OR52N4: variants seen among roughly 807,000 people sequenced by gnomAD.
OR52N4 encodes olfactory receptor family 52 subfamily N member 4.
OR52N4 carries 15 observed loss-of-function variants against 15.0 expected under a neutral mutation model. That is an observed-to-expected ratio of 1.00 (90% CI 0.67 to 1.54). The LOEUF is 1.54. Ranked by LOEUF, OR52N4 falls within the 40% of genes most tolerant of loss-of-function variation. OR52N4 has a pLI of 0.00. For synonymous variants in OR52N4, 143 were observed against 143.7 expected (o/e 1.00, Z 0.03); for missense variants, 421 against 394.0 (o/e 1.07, Z -0.58).
chr11:5,753,612 T>A (rs4636705), upstream of OR52N4, among the ~76,000 whole-genome samples: 26,210 of 152,080 alleles, frequency 0.17, 2,399 homozygotes, highest in East Asian at 0.25. Flanking sequence ...TTGACTTTTT[T>A]AATTTTAAAT....
the OR52N4 span, among the ~76,000 whole-genome samples, chr11:5,734,432 G>T: frequency 6.6e-6 from 1 of 152,056 alleles, no homozygotes; most frequent in East Asian, 1.9e-4. Flanking sequence ...GGCTCACATG[G>T]TGCACTAGAA....
chr11:5,737,050 C>G, the OR52N4 span: 1 of 1,614,104 alleles, frequency 6.2e-7, no homozygotes, highest in Non-Finnish European at 8.5e-7. Flanking sequence ...GTGATTATTG[C>G]TCCAAGAATG....
the OR52N4 span, among the ~76,000 whole-genome samples, chr11:5,742,687 C>G: frequency 9.9e-5 from 15 of 152,146 alleles, no homozygotes; most frequent in East Asian, 2.9e-3. Context: ...TAAGCAAACA[C>G]TAAGGAAATG....
the OR52N4 span, chr11:5,736,805 G>T: frequency 2.6e-5 from 42 of 1,613,892 alleles, no homozygotes; most frequent in Non-Finnish European, 3.5e-5. Flanking sequence ...CTTCTGGTTT[G>T]ATGCCAAGGT....
At chr11:5,743,609 TCAAA>T in the OR52N4 span, among the ~76,000 whole-genome samples, 1 of 152,098 alleles carries the variant, frequency 6.6e-6, no homozygotes, top group Non-Finnish European at 1.5e-5. Flanking sequence ...TACTTGGAAA[TCAAA>T]CAACCTGCTT....
the OR52N4 span, among the ~76,000 whole-genome samples, chr11:5,742,334 G>A: frequency 6.6e-6 from 1 of 152,090 alleles, no homozygotes; most frequent in Non-Finnish European, 1.5e-5. Flanking sequence ...CTCTAGTCTT[G>A]CTAGAGGTGT....
At chr11:5,745,331 A>G in the OR52N4 span, among the ~76,000 whole-genome samples, 2 of 152,224 alleles carry the variant, frequency 1.3e-5, no homozygotes, top group African/African-American at 4.8e-5. Flanking sequence ...CTAGACTTGA[A>G]AAGTGACATC....
At chr11:5,748,766 A>T in the OR52N4 span, among the ~76,000 whole-genome samples, 1 of 152,044 alleles carries the variant, frequency 6.6e-6, no homozygotes, top group African/African-American at 2.4e-5. Context: ...TCTTTCCCAT[A>T]GGGTAGTGGA....
At chr11:5,742,098 C>A in the OR52N4 span, among the ~76,000 whole-genome samples, 1 of 147,824 alleles carries the variant, frequency 6.8e-6, no homozygotes, top group African/African-American at 2.5e-5. Context: ...TAGAAGAAAG[C>A]AAGCAAACAA....
the OR52N4 span, among the ~76,000 whole-genome samples, chr11:5,728,671 T>TAGAC: frequency 1.6e-5 from 1 of 63,652 alleles, no homozygotes. Flanking sequence ...AGTCCTGAGG[T>TAGAC]AGAAAGCCAA....
At chr11:5,754,390 C>T (rs1854253315) in intron 1 of OR52N4, 85 bp downstream of exon 1, 1 of 196,702 alleles carries the variant, frequency 5.1e-6, no homozygotes, top group Non-Finnish European at 1.0e-5. Context: ...ATAAAAATAC[C>T]ATTTGAAAAG....
upstream of OR52N4, among the ~76,000 whole-genome samples, chr11:5,753,374 T>C (rs1376586989): frequency 6.6e-6 from 1 of 152,196 alleles, no homozygotes; most frequent in Non-Finnish European, 1.5e-5. Context: ...TTTTTACTTA[T>C]TTTTCTGATT....
At chr11:5,735,230 A>G in the OR52N4 span, among the ~76,000 whole-genome samples, 1 of 152,090 alleles carries the variant, frequency 6.6e-6, no homozygotes, top group Non-Finnish European at 1.5e-5. Flanking sequence ...AAAAATTACT[A>G]ATTTTAGCAT....
chr11:5,729,164 G>A, the OR52N4 span, among the ~76,000 whole-genome samples: 1 of 122,132 alleles, frequency 8.2e-6, no homozygotes, highest in African/African-American at 3.2e-5. Flanking sequence ...CTGTCACCCA[G>A]GCTGGAGTGC....
upstream of OR52N4, among the ~76,000 whole-genome samples, chr11:5,753,946 G>A (rs192809172): frequency 8.9e-5 from 12 of 134,342 alleles, no homozygotes; most frequent in African/African-American, 3.2e-4. Context: ...CCAAGATTGC[G>A]CCACTGCACT....
At chr11:5,753,838 C>T (rs768292728), upstream of OR52N4, among the ~76,000 whole-genome samples, 5 of 151,656 alleles carry the variant, frequency 3.3e-5, no homozygotes, top group Non-Finnish European at 5.9e-5. Context: ...GCTAAAAATA[C>T]AAAAATTAGC....
chr11:5,751,861 C>T (rs1159865886), upstream of OR52N4, among the ~76,000 whole-genome samples: 2 of 151,782 alleles, frequency 1.3e-5, no homozygotes, highest in East Asian at 1.9e-4. Flanking sequence ...AATTTCTTAC[C>T]CCTAGTCAAG....
At chr11:5,736,894 C>T in the OR52N4 span, 1 of 1,614,024 alleles carries the variant, frequency 6.2e-7, no homozygotes, top group Admixed American at 1.7e-5. Context: ...TCCTACTCTG[C>T]ATGGCTTTTG....
At chr11:5,748,424 C>T in the OR52N4 span, among the ~76,000 whole-genome samples, 2 of 151,192 alleles carry the variant, frequency 1.3e-5, no homozygotes, top group African/African-American at 4.8e-5. Flanking sequence ...ATTATTGTAT[C>T]ATAATGATGA....
Sources: allele counts gnomAD v4.1 joint callset (sites outside exome capture counted in the v4.1 genomes callset), GRCh38; gene constraint gnomAD v4.1.1; transcripts MANE v1.5; gene names NCBI Gene and HGNC (gene_info 2026-07-23, HGNC 2026-07-21).